The following DAW1 variants were observed in gnomAD, a reference collection of about 807,000 sequenced individuals.
The protein encoded by DAW1 is dynein assembly factor with WD repeats 1.
DAW1 carries 47 observed loss-of-function variants against 56.5 expected under a neutral mutation model. That is an observed-to-expected ratio of 0.83 (90% CI 0.66 to 1.06). The LOEUF is 1.06. DAW1 is among the 50% of genes least tolerant of loss of function. The probability of loss-of-function intolerance (pLI) is 0.00; values close to 1 mark genes in which losing one functional copy is unlikely to be tolerated. For missense variants in DAW1, 505 were observed against 499.3 expected (o/e 1.01, Z -0.11); for synonymous variants, 190 against 179.0 (o/e 1.06, Z -0.49).
chr2:227,912,256 G>T, intron 10 of DAW1: 1 of 537,080 alleles, frequency 1.9e-6, no homozygotes, highest in Non-Finnish European at 3.3e-6. Flanking sequence ...TCTTTGAGAT[G>T]GAGTCTCGCT....
chr2:227,918,134 A>ATCCG (rs1553604186), intron 10 of DAW1, among the ~76,000 whole-genome samples: 2 of 144,606 alleles, frequency 1.4e-5, no homozygotes, highest in African/African-American at 5.1e-5. Context: ...CCATCCATCC[A>ATCCG]TCCATCCGTC....
In DAW1 at chr2:227,903,924, C is replaced by T. The variant is rs954477958; in HGVS notation, c.648+815C>T. ...AAAATAACAGTAATGGCTTTTCTTT[C>T]TTAAATCTGAGTATCTAGCATTATT... On this transcript the variant is annotated intron_variant, in intron 7 of 12. Transcript: ENST00000309931. Among the ~76,000 whole-genome samples, 4 of 151,956 alleles carry T rather than the reference C, an allele frequency of 2.6e-5. No homozygotes were observed. The East Asian group carries it at 5.8e-4, about 22-fold the overall frequency.
At chr2:227,913,004 G>A (rs1324274078) in intron 10 of DAW1, among the ~76,000 whole-genome samples, 3 of 152,118 alleles carry the variant, frequency 2.0e-5, no homozygotes, top group Non-Finnish European at 4.4e-5. Flanking sequence ...ATGTTACAAA[G>A]GAGCTTGAAC....
chr2:227,886,776 ACT>A (rs1691140588), intron 2 of DAW1, among the ~76,000 whole-genome samples: 1 of 150,664 alleles, frequency 6.6e-6, no homozygotes, highest in African/African-American at 2.4e-5. Context: ...AAATAGCAAG[ACT>A]CTGTCTTTGT....
At chr2:227,879,677 T>C (rs545393684) in intron 1 of DAW1, among the ~76,000 whole-genome samples, 2 of 152,108 alleles carry the variant, frequency 1.3e-5, no homozygotes, top group South Asian at 4.1e-4. Context: ...TATTAAAATT[T>C]GTAATCAAGC....
intron 10 of DAW1, among the ~76,000 whole-genome samples, chr2:227,914,252 T>C (rs1691898955): frequency 6.6e-6 from 1 of 152,046 alleles, no homozygotes; most frequent in African/African-American, 2.4e-5. Flanking sequence ...TTTTGGGTCA[T>C]TTCTCTGACC....
At chr2:227,893,683 C>G (rs148041205) in intron 4 of DAW1, 112 bp from the exon 5 acceptor site, 7 of 1,460,066 alleles carry the variant, frequency 4.8e-6, no homozygotes, top group Non-Finnish European at 6.3e-6. Flanking sequence ...AACAAACAAA[C>G]AAACAAACAA....
chr2:227,876,454 C>A lies in DAW1; in HGVS notation c.40+4725C>A, dbSNP rs781312212. Reference sequence around the variant, plus strand: ...TTTCTGAATTCCAGTCTTTGGTGAGCCAAATCATATGCAAGTTTCCAAGAT... The same window carrying A: ...TTTCTGAATTCCAGTCTTTGGTGAGACAAATCATATGCAAGTTTCCAAGAT... On this transcript the variant is annotated intron_variant, in intron 1 of 12. Transcript: ENST00000309931. 3 of 1,302,176 alleles carry A rather than the reference C, an allele frequency of 2.3e-6. No individual in the cohort carries two copies. In the African/African-American group the frequency reaches 4.6e-5, roughly 20 times the overall value. The allele number at this position is 1,302,176 out of a possible 1,614,324, so 80.7% of individuals were successfully genotyped here.
chr2:227,920,079 T>C (rs1266429771), intron 11 of DAW1, among the ~76,000 whole-genome samples: 1 of 152,170 alleles, frequency 6.6e-6, no homozygotes, highest in African/African-American at 2.4e-5. Context: ...GCCTGGCCCA[T>C]GTTTCTGAGT....
rs1271294947 is a variant in DAW1 at position 227,918,865 on chromosome 2, C to G, written c.1050+9C>G. ...AAGGTGAAATTTCAAAGGTGAGTCG[C>G]TTTCTCATTTGGAGGAGTTTATTTA... On this transcript the variant is annotated intron_variant, in intron 11 of 12. Coordinates refer to ENST00000309931, the MANE Select transcript of DAW1 (RefSeq NM_178821.3). The G allele has an allele frequency of 5.0e-6, 8 of 1,613,802 alleles. No individual in the cohort carries two copies. Among genetic ancestry groups the G allele is most frequent in the Non-Finnish European group, 6.8e-6 (8 of 1,179,860 alleles).
At chr2:227,905,973 C>T (rs1691669109) in intron 8 of DAW1, among the ~76,000 whole-genome samples, 2 of 152,194 alleles carry the variant, frequency 1.3e-5, no homozygotes, top group Non-Finnish European at 2.9e-5. Flanking sequence ...CCAGGATGGT[C>T]TCTATCTCCT....
chr2:227,919,281 C>G (rs1355109055), intron 11 of DAW1, among the ~76,000 whole-genome samples: 3 of 149,288 alleles, frequency 2.0e-5, no homozygotes, highest in Non-Finnish European at 3.0e-5. Context: ...AAGATTTGTT[C>G]TATTGTCTCA....
chr2:227,915,497 C>T (rs541645150), intron 10 of DAW1, among the ~76,000 whole-genome samples: 3 of 152,174 alleles, frequency 2.0e-5, no homozygotes, highest in East Asian at 1.9e-4. Context: ...TCTCTTTGAA[C>T]ACCAAGTGGG....
chr2:227,883,888 C>T (rs1433830245), intron 1 of DAW1, among the ~76,000 whole-genome samples: 1 of 152,062 alleles, frequency 6.6e-6, no homozygotes, highest in East Asian at 1.9e-4. Flanking sequence ...TAAAAAATTT[C>T]TCAATTTTAG....
At chr2:227,897,007 G>T (rs1691426423) in intron 5 of DAW1, among the ~76,000 whole-genome samples, 1 of 151,306 alleles carries the variant, frequency 6.6e-6, no homozygotes, top group South Asian at 2.1e-4. Flanking sequence ...GACTGCTTGA[G>T]CTCCGGAGGT....
chr2:227,876,714 T>TA (rs1690892563), intron 1 of DAW1, among the ~76,000 whole-genome samples: 1 of 152,240 alleles, frequency 6.6e-6, no homozygotes, highest in African/African-American at 2.4e-5. Context: ...TCCCAAAGGC[T>TA]AAATGTACAT....
At chr2:227,906,113 A>T (rs1691673664) in intron 8 of DAW1, 123 bp from the exon 9 acceptor site, 1 of 614,476 alleles carries the variant, frequency 1.6e-6, no homozygotes, top group Non-Finnish European at 2.7e-6. Context: ...TTGTCATCAA[A>T]TATATTATTT....
chr2:227,891,895 G>C (rs1461545102), intron 4 of DAW1, among the ~76,000 whole-genome samples: 1 of 152,196 alleles, frequency 6.6e-6, no homozygotes, highest in Non-Finnish European at 1.5e-5. Flanking sequence ...TTAGAGGTCA[G>C]AGGTCAAGGT....
rs114532178 is a variant in DAW1, at chr2:227,890,383, T to G, written c.258+383T>G. Among the ~76,000 whole-genome samples, 1,481 of 152,350 alleles carry G rather than the reference T, an allele frequency of 9.7e-3. 25 individuals are homozygous for G. Among genetic ancestry groups the G allele is most frequent in the African/African-American group, 0.034 (1,399 of 41,584 alleles). ...TGCTTTCATGTGAACTAAACCATAT[T>G]TCAGTAAATTATTTATTTGTATGAC... On this transcript the variant is annotated intron_variant, in intron 3 of 12. Transcript: ENST00000309931.
Sources: allele counts gnomAD v4.1 joint callset (sites outside exome capture counted in the v4.1 genomes callset), GRCh38; gene constraint gnomAD v4.1.1; transcripts MANE v1.5; gene names NCBI Gene and HGNC (gene_info 2026-07-23, HGNC 2026-07-21).